The following SYN3 variants were observed in gnomAD, a reference collection of about 807,000 sequenced individuals.
SYN3 encodes synapsin III.
In SYN3, 35 loss-of-function variants were observed where a neutral mutation model predicts 65.8. That is an observed-to-expected ratio of 0.53 (90% CI 0.41 to 0.70). SYN3 has a LOEUF of 0.70. Ranked by LOEUF, SYN3 falls within the 30% of genes least tolerant of loss-of-function variation. The pLI, the probability that SYN3 is intolerant of heterozygous loss-of-function variation, is 0.00. For synonymous variants in SYN3, 270 were observed against 292.9 expected (o/e 0.92, Z 0.80); for missense variants, 680 against 749.0 (o/e 0.91, Z 1.08).
chr22:32,564,599 G>T (rs111429518), intron 7 of SYN3, among the ~76,000 whole-genome samples: 2 of 150,730 alleles, frequency 1.3e-5, no homozygotes, highest in African/African-American at 4.9e-5. Context: ...CAGTGCTCCC[G>T]GACTACACCC....
chr22:32,604,984 C>A (rs528946761), intron 6 of SYN3, among the ~76,000 whole-genome samples: 2 of 131,798 alleles, frequency 1.5e-5, no homozygotes, highest in Admixed American at 8.9e-5. Flanking sequence ...CCAGCCTGGG[C>A]GATAGAGCGA....
intron 6 of SYN3, among the ~76,000 whole-genome samples, chr22:32,672,613 G>A (rs1006010568): frequency 1.1e-4 from 16 of 152,282 alleles, no homozygotes; most frequent in East Asian, 1.9e-4. Flanking sequence ...ATGTCCCTCC[G>A]CCTGGTGAGA....
At chr22:33,052,315 C>T (rs1020160184) in intron 1 of SYN3, among the ~76,000 whole-genome samples, 4 of 152,150 alleles carry the variant, frequency 2.6e-5, no homozygotes, top group Admixed American at 1.3e-4. Flanking sequence ...GGGCTGTGCC[C>T]GTCCCCGGTG....
At chr22:32,634,457 T>C (rs1168986079) in intron 6 of SYN3, among the ~76,000 whole-genome samples, 1 of 152,200 alleles carries the variant, frequency 6.6e-6, no homozygotes, top group Non-Finnish European at 1.5e-5. Context: ...AGATAGTGCA[T>C]ATGGGAATGA....
At chr22:32,552,072 A>T (rs1601617433) in intron 7 of SYN3, among the ~76,000 whole-genome samples, 1 of 152,140 alleles carries the variant, frequency 6.6e-6, no homozygotes, top group Non-Finnish European at 1.5e-5. Flanking sequence ...ACAGGGTGAA[A>T]CCCTGCCTCT....
chr22:32,891,531 A>G (rs1462957813), intron 4 of SYN3, among the ~76,000 whole-genome samples: 1 of 152,116 alleles, frequency 6.6e-6, no homozygotes, highest in African/African-American at 2.4e-5. Context: ...AATTCTTCAC[A>G]TCCAGATTTC....
intron 10 of SYN3, among the ~76,000 whole-genome samples, chr22:32,531,257 G>A (rs1019783307): frequency 6.9e-6 from 1 of 144,138 alleles, no homozygotes; most frequent in Admixed American, 7.0e-5. Context: ...GGATCCCAGC[G>A]CCCCAGACAG....
At position 32,605,207 on chromosome 22, in the gene SYN3, A is replaced by T. The variant is rs1348555573; in HGVS notation, c.712-8471T>A. ...CGAAGTCTCCCACAACAAGCGGGAG[A>T]AGTCATATGCGAACAGGCAGAGTCA... is the stretch of plus-strand genomic sequence containing the variant. On this transcript the variant is annotated intron_variant, in intron 6 of 13. Transcript: ENST00000358763. Among the ~76,000 whole-genome samples, 4 of 152,080 alleles carry T rather than the reference A, an allele frequency of 2.6e-5. No homozygotes were observed. The East Asian group carries it at 5.9e-4, about 22-fold the overall frequency.
At chr22:32,532,262 G>A (rs1601579543) in intron 10 of SYN3, among the ~76,000 whole-genome samples, 1 of 152,302 alleles carries the variant, frequency 6.6e-6, no homozygotes, top group East Asian at 1.9e-4. Flanking sequence ...GTCCCCGTGA[G>A]GGGATGCAGA....
In SYN3 at chr22:32,609,927, T is replaced by C. The variant is rs114162096; in HGVS notation, c.712-13191A>G. Among the ~76,000 whole-genome samples, 1,075 of 152,300 alleles carry C rather than the reference T, an allele frequency of 7.1e-3. 8 individuals carry two copies. Among genetic ancestry groups the C allele is most frequent in the African/African-American group, 0.025 (1,028 of 41,558 alleles). On this transcript the variant is annotated intron_variant, in intron 6 of 13. Coordinates refer to ENST00000358763, the MANE Select transcript of SYN3 (RefSeq NM_003490.4). ...CTGTTATTTTACAACTTTATTGAGA[T>C]ACAATTCACATACCATAAAATTCAC...
intron 6 of SYN3, among the ~76,000 whole-genome samples, chr22:32,752,644 C>T (rs1412850083): frequency 1.3e-5 from 2 of 152,336 alleles, no homozygotes; most frequent in East Asian, 3.9e-4. Flanking sequence ...ACCCTCCCAC[C>T]ACCCCAGAAG....
At chr22:32,614,278 C>T (rs1348859787) in intron 6 of SYN3, among the ~76,000 whole-genome samples, 5 of 152,204 alleles carry the variant, frequency 3.3e-5, no homozygotes, top group African/African-American at 4.8e-5. Flanking sequence ...TAATGGGCTA[C>T]CGGTGTGCCA....
intron 6 of SYN3, among the ~76,000 whole-genome samples, chr22:32,802,545 C>T (rs981371577): frequency 1.3e-5 from 2 of 151,800 alleles, no homozygotes; most frequent in Non-Finnish European, 2.9e-5. Context: ...GCCATGTGCA[C>T]GGAAAGTTGC....
chr22:32,678,460 C>G (rs980883372), intron 6 of SYN3, among the ~76,000 whole-genome samples: 5 of 152,192 alleles, frequency 3.3e-5, no homozygotes, highest in South Asian at 2.1e-4. Flanking sequence ...ACAACAAACT[C>G]TAACCACATA....
intron 6 of SYN3, among the ~76,000 whole-genome samples, chr22:32,621,778 G>A (rs551877982): frequency 7.2e-5 from 11 of 152,250 alleles, no homozygotes; most frequent in Admixed American, 3.3e-4. Context: ...GCAGCATTTC[G>A]AAGTTAGGTA....
intron 3 of SYN3, among the ~76,000 whole-genome samples, chr22:32,940,745 T>C (rs1452224036): frequency 6.6e-6 from 1 of 152,226 alleles, no homozygotes; most frequent in Admixed American, 6.5e-5. Context: ...TTTCAAGTTG[T>C]CACAATTAAT....
At chr22:32,556,248 A>G (rs2058493432) in intron 7 of SYN3, among the ~76,000 whole-genome samples, 1 of 152,232 alleles carries the variant, frequency 6.6e-6, no homozygotes, top group Non-Finnish European at 1.5e-5. Context: ...TTCATTCCTA[A>G]ATAACTACAA....
chr22:32,525,433 C>T (rs1601561027), intron 12 of SYN3, among the ~76,000 whole-genome samples: 9 of 151,046 alleles, frequency 6.0e-5, no homozygotes, highest in Admixed American at 5.3e-4. Flanking sequence ...AGGGGCCGGG[C>T]GCAGTGGCTC....
At chr22:32,781,990 G>A (rs1206394152) in intron 6 of SYN3, among the ~76,000 whole-genome samples, 1 of 151,806 alleles carries the variant, frequency 6.6e-6, no homozygotes, top group African/African-American at 2.4e-5. Context: ...CTTCTCAGAA[G>A]GTTGTTTTTT....
Sources: allele counts gnomAD v4.1 joint callset (sites outside exome capture counted in the v4.1 genomes callset), GRCh38; gene constraint gnomAD v4.1.1; transcripts MANE v1.5; gene names NCBI Gene and HGNC (gene_info 2026-07-23, HGNC 2026-07-21).